The following FYB2 variants were observed in gnomAD, a reference collection of about 807,000 sequenced individuals.
FYB2 encodes the protein FYN-binding protein 2.
In FYB2, 103 loss-of-function variants were observed where a neutral mutation model predicts 94.1. That is an observed-to-expected ratio of 1.09 (90% CI 0.93 to 1.29). FYB2 has a LOEUF of 1.29. FYB2 is among the 50% of genes most tolerant of loss of function. The probability of loss-of-function intolerance (pLI) is 0.00; values close to 1 mark genes in which losing one functional copy is unlikely to be tolerated. For missense variants in FYB2, 896 were observed against 841.5 expected, an observed-to-expected ratio of 1.06 and a Z score of -0.80; for synonymous variants, 293 against 287.9, an observed-to-expected ratio of 1.02 and a Z score of -0.18.
intron 16 of FYB2, 103 bp downstream of exon 16, chr1:56,726,394 A>G (rs550285774): frequency 1.1e-5 from 11 of 1,023,436 alleles, no homozygotes; most frequent in Non-Finnish European, 1.5e-5. Flanking sequence ...TGTAGATGAA[A>G]CAGCTGAGAA....
intron 5 of FYB2, among the ~76,000 whole-genome samples, chr1:56,761,549 C>T (rs1645494834): frequency 6.6e-6 from 1 of 152,166 alleles, no homozygotes; most frequent in South Asian, 2.1e-4. Flanking sequence ...GTACAGTCTG[C>T]AAAGCACTAG....
chr1:56,764,380 T>C (rs577691103), intron 5 of FYB2, among the ~76,000 whole-genome samples: 16 of 152,138 alleles, frequency 1.1e-4, no homozygotes, highest in Non-Finnish European at 2.1e-4. Context: ...TCTTTTGTTA[T>C]AGTCTCACAA....
intron 5 of FYB2, among the ~76,000 whole-genome samples, chr1:56,767,011 C>T (rs1570070080): frequency 6.6e-6 from 1 of 152,158 alleles, no homozygotes; most frequent in South Asian, 2.1e-4. Flanking sequence ...ATATTTATGG[C>T]CTCGTGCAAC....
intron 1 of FYB2, 21 bp from the exon 2 acceptor site, chr1:56,792,824 A>T (rs764732233): frequency 1.9e-5 from 29 of 1,565,392 alleles, no homozygotes; most frequent in Non-Finnish European, 2.2e-5. Context: ...GAATAATCAA[A>T]CAAACAAACA....
intron 9 of FYB2, among the ~76,000 whole-genome samples, chr1:56,746,359 A>C (rs904460177): frequency 1.3e-5 from 2 of 151,958 alleles, no homozygotes; most frequent in Non-Finnish European, 2.9e-5. Flanking sequence ...ATCTTAGTAC[A>C]TATTTTTATT....
chr1:56,757,431 T>G (rs1396874819), intron 6 of FYB2, among the ~76,000 whole-genome samples: 1 of 151,576 alleles, frequency 6.6e-6, no homozygotes, highest in Non-Finnish European at 1.5e-5. Flanking sequence ...ACTGATCCCA[T>G]TAAAACACTG....
At chr1:56,769,658 A>G (rs941244724) in intron 4 of FYB2, among the ~76,000 whole-genome samples, 1 of 152,178 alleles carries the variant, frequency 6.6e-6, no homozygotes, top group Admixed American at 6.5e-5. Flanking sequence ...TAAATTATAG[A>G]TGTCAAAATT....
chr1:56,740,169 A>G (rs1236597165), intron 13 of FYB2, among the ~76,000 whole-genome samples: 1 of 152,030 alleles, frequency 6.6e-6, no homozygotes, highest in African/African-American at 2.4e-5. Flanking sequence ...ACCTCTCTCA[A>G]AACTGGCAGT....
chr1:56,727,567 TAC>T (rs1644610577), intron 15 of FYB2, among the ~76,000 whole-genome samples: 1 of 152,144 alleles, frequency 6.6e-6, no homozygotes, highest in Non-Finnish European at 1.5e-5. Flanking sequence ...TAACTCTATA[TAC>T]AGTGTCTCAT....
chr1:56,773,260 C>A lies in FYB2; in HGVS notation c.954-5322G>T, dbSNP rs189678163. Among the ~76,000 whole-genome samples, 55 of 152,248 alleles carry A rather than the reference C, an allele frequency of 3.6e-4. No individual in the cohort carries two copies. In the East Asian group the frequency reaches 0.01, roughly 28 times the overall value. On this transcript the variant is annotated intron_variant, in intron 4 of 19. Transcript: ENST00000343433. ...CTCTGGTCCACAGCCCTGAAAGGTC[C>A]CCGCAGAATCCCTCATTGTCCTTTG...
chr1:56,719,600 A>G lies in FYB2; in HGVS notation c.*71T>C. 7.4e-7 allele frequency: 1 copy of G among 1,347,692 alleles called. No individual in the cohort carries two copies. Among genetic ancestry groups the G allele is most frequent in the South Asian group, 1.4e-5 (1 of 71,784 alleles). 83.5% of individuals were successfully genotyped at this position (1,347,692 alleles called of 1,614,324 possible). On this transcript the variant is annotated 3_prime_UTR_variant, in exon 20 of 20. Transcript: ENST00000343433. ...AATTTTGACATGTAAACTGAAACTG[A>G]TGTAACGCAGGACTAGGATCTTAGG...
At chr1:56,735,956 T>C (rs1644821673) in intron 15 of FYB2, among the ~76,000 whole-genome samples, 1 of 152,132 alleles carries the variant, frequency 6.6e-6, no homozygotes, top group Non-Finnish European at 1.5e-5. Flanking sequence ...AGAAGGGAGA[T>C]ATTGAATATT....
intron 1 of FYB2, 24 bp downstream of exon 1, chr1:56,819,258 G>A: frequency 1.2e-6 from 2 of 1,614,226 alleles, no homozygotes; most frequent in Non-Finnish European, 1.7e-6. Flanking sequence ...CAGAAAGCCA[G>A]CAACAAAACT....
chr1:56,801,506 C>T (rs550869432), intron 1 of FYB2, among the ~76,000 whole-genome samples: 2 of 152,322 alleles, frequency 1.3e-5, no homozygotes, highest in Non-Finnish European at 2.9e-5. Flanking sequence ...CCTTCCAACA[C>T]TTTGGCCTCA....
chr1:56,785,544 G>A (rs1646114681), intron 4 of FYB2, among the ~76,000 whole-genome samples: 1 of 152,190 alleles, frequency 6.6e-6, no homozygotes, highest in South Asian at 2.1e-4. Context: ...CAGAGCACAT[G>A]AATTGCGTCT....
intron 1 of FYB2, among the ~76,000 whole-genome samples, chr1:56,798,190 G>A (rs1646443465): frequency 6.6e-6 from 1 of 152,170 alleles, no homozygotes; most frequent in South Asian, 2.1e-4. Context: ...TTTTTCCTGT[G>A]TCATCTTTGT....
intron 1 of FYB2, 75 bp from the exon 2 acceptor site, chr1:56,792,878 A>C: frequency 1.7e-5 from 25 of 1,436,502 alleles, no homozygotes; most frequent in Non-Finnish European, 2.2e-5. Flanking sequence ...CAAGTGTCTC[A>C]TTATTCCAAG....
At chr1:56,757,687 C>CTTCTTTCTTTCT (rs1191302491) in intron 6 of FYB2, among the ~76,000 whole-genome samples, 1,123 of 71,852 alleles carry the variant, frequency 0.016, 31 homozygotes, top group Middle Eastern at 0.074. Context: ...TCCTTCCTTC[C>CTTCTTTCTTTCT]TTCTTTCTTT....
At chr1:56,780,404 C>T (rs545491089) in intron 4 of FYB2, among the ~76,000 whole-genome samples, 41 of 152,214 alleles carry the variant, frequency 2.7e-4, no homozygotes, top group South Asian at 6.2e-4. Flanking sequence ...ATGTGTAGAG[C>T]AAGCCATGAG....
Sources: gnomAD v4.1 joint callset for allele counts (sites outside exome capture counted in the v4.1 genomes callset) on GRCh38, gnomAD v4.1.1 for gene constraint, MANE v1.5 for transcripts, NCBI Gene and HGNC (gene_info 2026-07-23, HGNC 2026-07-21) for gene names.